The following GALNT5 variants were observed in gnomAD, a reference collection of about 807,000 sequenced individuals.
GALNT5 encodes the protein polypeptide N-acetylgalactosaminyltransferase 5.
In GALNT5, 72 loss-of-function variants were observed where a neutral mutation model predicts 85.4. The observed-to-expected ratio is 0.84, with a 90% CI of 0.70 to 1.03. The LOEUF (loss-of-function observed/expected upper bound fraction) is 1.03, where lower values mean the gene tolerates loss of function less well. Ranked by LOEUF, GALNT5 falls within the 50% of genes least tolerant of loss-of-function variation. The probability of loss-of-function intolerance (pLI) is 0.00; values close to 1 mark genes in which losing one functional copy is unlikely to be tolerated. For synonymous variants in GALNT5, 404 were observed against 397.0 expected (o/e 1.02, Z -0.21); for missense variants, 1,137 against 1,135.5 (o/e 1.00, Z -0.02).
chr2:157,276,491 T>A (rs1036399463), intron 1 of GALNT5, among the ~76,000 whole-genome samples: 1 of 152,206 alleles, frequency 6.6e-6, no homozygotes, highest in African/African-American at 2.4e-5. Context: ...AATTATTGCC[T>A]CAATTTCAGA....
chr2:157,305,798 T>C lies in GALNT5; in HGVS notation c.2489T>C (p.Val830Ala). ...GKCISIENTTVILEDCDGSKE... is the reference protein window; with the variant it reads ...GKCISIENTTAILEDCDGSKE... ...TGCATTTCCATTGAAAACACTACAG[T>C]CATTCTGGAAGACTGCGATGGGAGC... The change falls in exon 8 of 10, where the codon GTC becomes GCC. Residue 830 changes from valine (V) to alanine (A), a missense_variant. Coordinates refer to ENST00000259056, the MANE Select transcript of GALNT5 (RefSeq NM_014568.3). 6.2e-7 allele frequency: 1 copy of C among 1,609,924 alleles called. No homozygotes were observed. Among genetic ancestry groups the C allele is most frequent in the Non-Finnish European group, 8.5e-7 (1 of 1,176,330 alleles).
At chr2:157,281,088 A>G (rs1311136443) in intron 1 of GALNT5, among the ~76,000 whole-genome samples, 2 of 151,808 alleles carry the variant, frequency 1.3e-5, no homozygotes, top group Admixed American at 1.3e-4. Flanking sequence ...ATGAAGTCTC[A>G]CTCTGTCACC....
chr2:157,290,085 AT>A (rs1683062702), intron 3 of GALNT5, among the ~76,000 whole-genome samples: 2 of 19,750 alleles, frequency 1.0e-4, no homozygotes, highest in South Asian at 2.2e-3. Context: ...AAAAAAAAAA[AT>A]GTATATATAT....
At chr2:157,273,379 TTTC>T (rs1196467010) in intron 1 of GALNT5, among the ~76,000 whole-genome samples, 7 of 152,156 alleles carry the variant, frequency 4.6e-5, no homozygotes, top group South Asian at 4.1e-4. Flanking sequence ...ATTTATATTC[TTTC>T]TTCTTTTTTT....
chr2:157,294,760 C>T (rs899405704), intron 3 of GALNT5, among the ~76,000 whole-genome samples: 3 of 146,212 alleles, frequency 2.1e-5, no homozygotes, highest in Non-Finnish European at 3.0e-5. Flanking sequence ...TTGTTACACT[C>T]TCTCACACAC....
intron 3 of GALNT5, among the ~76,000 whole-genome samples, chr2:157,294,665 C>T (rs1683171340): frequency 6.6e-6 from 1 of 152,004 alleles, no homozygotes; most frequent in Non-Finnish European, 1.5e-5. Flanking sequence ...CCCCCATGAG[C>T]CCCAGTAGGT....
intron 3 of GALNT5, among the ~76,000 whole-genome samples, chr2:157,294,383 G>A (rs543702627): frequency 1.1e-3 from 173 of 152,276 alleles, no homozygotes; most frequent in African/African-American, 3.9e-3. Flanking sequence ...ATGTGGCCCT[G>A]GGATCCAGAG....
intron 3 of GALNT5, among the ~76,000 whole-genome samples, chr2:157,293,107 C>G (rs1683134100): frequency 6.6e-6 from 1 of 152,204 alleles, no homozygotes; most frequent in South Asian, 2.1e-4. Flanking sequence ...ACAGGGGAGA[C>G]AGCTGTCCCA....
intron 3 of GALNT5, among the ~76,000 whole-genome samples, chr2:157,293,098 C>T (rs1683133918): frequency 6.6e-6 from 1 of 152,212 alleles, no homozygotes; most frequent in African/African-American, 2.4e-5. Flanking sequence ...CTTCCCATGA[C>T]AGGGGAGACA....
chr2:157,262,859 C>A (rs561025177), intron 1 of GALNT5, among the ~76,000 whole-genome samples: 1 of 117,832 alleles, frequency 8.5e-6, no homozygotes, highest in South Asian at 2.8e-4. Context: ...GATGGAGTCT[C>A]GCTCTGTCAC....
Position 157,284,462 on chromosome 2 carries a change from T to C in GALNT5, c.1621+14T>C. On this transcript the variant is annotated intron_variant, in intron 2 of 9. Coordinates refer to ENST00000259056, the MANE Select transcript of GALNT5 (RefSeq NM_014568.3). Reference sequence around the variant, plus strand: ...TCAGCACCAAAGGTAAGAAAACCACTCAGGCTATCTCTTGAAATTTCAAAG... The same window carrying C: ...TCAGCACCAAAGGTAAGAAAACCACCCAGGCTATCTCTTGAAATTTCAAAG... 1 of 1,607,934 alleles carries C rather than the reference T, an allele frequency of 6.2e-7. No individual in the cohort carries two copies. Among genetic ancestry groups the C allele is most frequent in the Non-Finnish European group, 8.5e-7 (1 of 1,175,364 alleles).
At position 157,276,581 on chromosome 2, in the gene GALNT5, A is replaced by G. The variant is rs192046751; in HGVS notation, c.1455-7701A>G. 1.6e-3 allele frequency among the ~76,000 whole-genome samples: 242 copies of G among 152,204 alleles called. 1 individual carries two copies. Among genetic ancestry groups the G allele is most frequent in the Non-Finnish European group, 2.7e-3 (181 of 68,008 alleles). ...GGTATATGTGTCCAGGAATTTATCCATTTCTTCTAGATTTTCTAGTTTATT... is the reference window on the plus strand; with the variant it reads ...GGTATATGTGTCCAGGAATTTATCCGTTTCTTCTAGATTTTCTAGTTTATT... On this transcript the variant is annotated intron_variant, in intron 1 of 9. Coordinates refer to ENST00000259056, the MANE Select transcript of GALNT5 (RefSeq NM_014568.3).
At position 157,279,622 on chromosome 2, in the gene GALNT5, G is replaced by A. The variant is rs747115166; in HGVS notation, c.1455-4660G>A. Among the ~76,000 whole-genome samples the A allele has an allele frequency of 3.9e-5, 6 of 152,266 alleles. No individual in the cohort carries two copies. In the South Asian group the frequency reaches 6.2e-4, roughly 16 times the overall value. On this transcript the variant is annotated intron_variant, in intron 1 of 9. Coordinates refer to ENST00000259056, the MANE Select transcript of GALNT5 (RefSeq NM_014568.3). ...GTTCCATGGGTGTGGGACCTGCCAA[G>A]CCAGGCACAGGAAAGAATCTCTGGG...
At chr2:157,307,500 C>G (rs1683478688) in intron 8 of GALNT5, among the ~76,000 whole-genome samples, 1 of 152,168 alleles carries the variant, frequency 6.6e-6, no homozygotes, top group Non-Finnish European at 1.5e-5. Context: ...TGCCATACTT[C>G]CATGCTTCCT....
In GALNT5 at chr2:157,314,175, T is replaced by C. The variant is rs1334912123; in HGVS notation, c.*2827T>C. ...AGGCTGTGTTACAGGAGCTACAGATTTTTCCCTGGATTAGCTTAGGTCATT... is the reference window on the plus strand; with the variant it reads ...AGGCTGTGTTACAGGAGCTACAGATCTTTCCCTGGATTAGCTTAGGTCATT... On this transcript the variant is annotated 3_prime_UTR_variant, in exon 10 of 10. Transcript: ENST00000259056. 1 of 151,800 alleles carries C rather than the reference T, an allele frequency of 6.6e-6. No homozygotes were observed. The highest frequency in any genetic ancestry group is 2.4e-5 in the African/African-American group (1 of 41,276). 9.4% of individuals were successfully genotyped at this position (151,800 alleles called of 1,614,324 possible). A position where few individuals can be genotyped will look rare whatever the true frequency, so the allele number is the denominator to read the frequency against.
chr2:157,296,009 C>G (rs570561941), intron 4 of GALNT5, among the ~76,000 whole-genome samples: 1 of 152,184 alleles, frequency 6.6e-6, no homozygotes, highest in Non-Finnish European at 1.5e-5. Context: ...ATTCTTAACT[C>G]TAAATACCAA....
At chr2:157,307,671 A>G (rs1200336790) in intron 8 of GALNT5, among the ~76,000 whole-genome samples, 4 of 152,194 alleles carry the variant, frequency 2.6e-5, no homozygotes, top group African/African-American at 9.7e-5. Flanking sequence ...GTCCAACACA[A>G]TGACTTTGAT....
chr2:157,266,585 TTGTG>T (rs571376073), intron 1 of GALNT5, among the ~76,000 whole-genome samples: 3 of 152,110 alleles, frequency 2.0e-5, no homozygotes, highest in Non-Finnish European at 4.4e-5. Context: ...GTGTGTGTGT[TTGTG>T]TGTGTGTTTG....
intron 7 of GALNT5, chr2:157,301,789 T>C (rs1221658115): frequency 6.6e-6 from 1 of 152,252 alleles, no homozygotes; most frequent in Non-Finnish European, 1.5e-5. Flanking sequence ...TTTGTAAAGA[T>C]TTCAAAGAGG....
Sources: allele counts gnomAD v4.1 joint callset (sites outside exome capture counted in the v4.1 genomes callset), GRCh38; gene constraint gnomAD v4.1.1; transcripts MANE v1.5; gene names NCBI Gene and HGNC (gene_info 2026-07-23, HGNC 2026-07-21).